The following RBFOX1 variants were observed in gnomAD, a reference collection of about 807,000 sequenced individuals.
RBFOX1 encodes the protein RNA binding fox-1 homolog 1.
RBFOX1 carries 8 observed loss-of-function variants against 57.7 expected under a neutral mutation model. The ratio of observed to expected loss-of-function variants is 0.14; its 90% confidence interval spans 0.08 to 0.25. RBFOX1 has a LOEUF of 0.25. RBFOX1 is among the 10% of genes least tolerant of loss of function. The probability of loss-of-function intolerance (pLI) is 1.00; values close to 1 mark genes in which losing one functional copy is unlikely to be tolerated. For synonymous variants in RBFOX1, 326 were observed against 222.4 expected (o/e 1.47, Z -4.15); for missense variants, 611 against 548.5 (o/e 1.11, Z -1.14).
chr16:6,666,067 A>G (rs1200148417), intron 3 of RBFOX1, among the ~76,000 whole-genome samples: 1 of 152,104 alleles, frequency 6.6e-6, no homozygotes, highest in African/African-American at 2.4e-5. Context: ...CTTGTTTTTC[A>G]TTCTTTCTCT....
chr16:7,403,565 C>CCG (rs2098280343), intron 4 of RBFOX1, among the ~76,000 whole-genome samples: 2 of 129,592 alleles, frequency 1.5e-5, no homozygotes, highest in Admixed American at 1.5e-4. Context: ...GAGAGAATCC[C>CCG]CCCCCCCCCA....
chr16:7,390,563 C>T (rs1011897769), intron 4 of RBFOX1, among the ~76,000 whole-genome samples: 3 of 152,182 alleles, frequency 2.0e-5, no homozygotes, highest in African/African-American at 7.2e-5. Flanking sequence ...CATCTTTGCA[C>T]ATCGCAGAGA....
intron 5 of RBFOX1, 105 bp from the exon 6 acceptor site, chr16:7,579,672 T>G: frequency 3.6e-6 from 5 of 1,372,600 alleles, no homozygotes; most frequent in Non-Finnish European, 4.0e-6. Flanking sequence ...CTTCTCAGAT[T>G]GCTTAGTTCT....
At chr16:6,432,447 G>A (rs916999792) in intron 2 of RBFOX1, among the ~76,000 whole-genome samples, 3 of 151,742 alleles carry the variant, frequency 2.0e-5, no homozygotes, top group Non-Finnish European at 2.9e-5. Context: ...CAAGGCGGGC[G>A]GATCACCTGA....
chr16:6,850,745 C>G (rs1288869715), intron 3 of RBFOX1, among the ~76,000 whole-genome samples: 1 of 152,156 alleles, frequency 6.6e-6, no homozygotes, highest in South Asian at 2.1e-4. Context: ...ATACCAAATG[C>G]TGTCAAAGAT....
At chr16:6,009,841 G>C in intron 4 of RBFOX1, among the ~76,000 whole-genome samples, 1 of 41,640 alleles carries the variant, frequency 2.4e-5, no homozygotes, top group Non-Finnish European at 3.8e-5. Flanking sequence ...TGTGTATAGG[G>C]GGATTTGAAA....
intron 3 of RBFOX1, among the ~76,000 whole-genome samples, chr16:7,048,240 T>G (rs2048726660): frequency 6.6e-6 from 1 of 151,720 alleles, no homozygotes; most frequent in Non-Finnish European, 1.5e-5. Flanking sequence ...AAAATTTCCT[T>G]TTGATTTTTT....
At chr16:6,436,176 G>T (rs1431396387) in intron 2 of RBFOX1, among the ~76,000 whole-genome samples, 2 of 151,996 alleles carry the variant, frequency 1.3e-5, no homozygotes, top group Non-Finnish European at 2.9e-5. Context: ...GCTCAATACA[G>T]TTAAGTAAAT....
At chr16:7,280,048 C>A (rs909312320) in intron 4 of RBFOX1, among the ~76,000 whole-genome samples, 1 of 152,122 alleles carries the variant, frequency 6.6e-6, no homozygotes, top group South Asian at 2.1e-4. Context: ...GTTCCCGCTG[C>A]GATTGGATCT....
chr16:5,978,799 G>A (rs2060118969), intron 4 of RBFOX1, among the ~76,000 whole-genome samples: 1 of 151,608 alleles, frequency 6.6e-6, no homozygotes, highest in African/African-American at 2.4e-5. Context: ...CCTGGGGTTT[G>A]GAGTTGTGGG....
chr16:6,736,584 C>G (rs148024768), intron 3 of RBFOX1, among the ~76,000 whole-genome samples: 1 of 152,148 alleles, frequency 6.6e-6, no homozygotes, highest in Non-Finnish European at 1.5e-5. Context: ...ATTGGTTCCA[C>G]GATTTTGCAG....
At chr16:6,562,678 T>C (rs1477111669) in intron 2 of RBFOX1, among the ~76,000 whole-genome samples, 1 of 152,204 alleles carries the variant, frequency 6.6e-6, no homozygotes, top group Non-Finnish European at 1.5e-5. Flanking sequence ...TCTGAGTCTC[T>C]TACTTGGAAC....
chr16:7,221,608 C>G (rs1473317830), intron 4 of RBFOX1, among the ~76,000 whole-genome samples: 1 of 152,152 alleles, frequency 6.6e-6, no homozygotes, highest in Non-Finnish European at 1.5e-5. Context: ...CTCAGGTGAT[C>G]CACCAACCTT....
At chr16:7,326,707 G>GCACAGGCTTT in intron 4 of RBFOX1, among the ~76,000 whole-genome samples, 1 of 151,942 alleles carries the variant, frequency 6.6e-6, no homozygotes, top group Non-Finnish European at 1.5e-5. Context: ...TGAGTATATC[G>GCACAGGCTTT]TCCTTAATCA....
At chr16:6,976,965 A>AT (rs1218770264) in intron 3 of RBFOX1, among the ~76,000 whole-genome samples, 1 of 143,218 alleles carries the variant, frequency 7.0e-6, no homozygotes. Context: ...TATATTAAAT[A>AT]TCCTATATCA....
At position 7,081,576 on chromosome 16, in the gene RBFOX1, A is replaced by G. The variant is rs2153798051; in HGVS notation, c.27+29478A>G. Among the ~76,000 whole-genome samples, 4 of 152,288 alleles carry G rather than the reference A, an allele frequency of 2.6e-5. 1 individual carries two copies. The South Asian group carries it at 8.3e-4, about 32-fold the overall frequency. The stretch of plus-strand genomic sequence containing the variant: ...AGTTTTTATATGGAGGACATTATTT[A>G]TGTACTTTTTAAATTAATTTGTTCA... On this transcript the variant is annotated intron_variant, in intron 4 of 15. Transcript: ENST00000550418.
At chr16:5,784,106 T>G (rs1006637714) in intron 3 of RBFOX1, among the ~76,000 whole-genome samples, 1 of 152,140 alleles carries the variant, frequency 6.6e-6, no homozygotes, top group Admixed American at 6.5e-5. Context: ...TCAGGAAACC[T>G]ACACTCACGG....
chr16:6,963,157 G>T (rs1598493362), intron 3 of RBFOX1, among the ~76,000 whole-genome samples: 1 of 152,070 alleles, frequency 6.6e-6, no homozygotes, highest in Admixed American at 6.6e-5. Context: ...GCTGGTAGTT[G>T]CCACCCAAGC....
intron 4 of RBFOX1, among the ~76,000 whole-genome samples, chr16:7,449,856 G>A (rs2098838089): frequency 6.6e-6 from 1 of 151,986 alleles, no homozygotes; most frequent in Non-Finnish European, 1.5e-5. Context: ...TGAGGTCTAA[G>A]AGGAGTCTCA....
Sources: allele counts gnomAD v4.1 joint callset (sites outside exome capture counted in the v4.1 genomes callset), GRCh38; gene constraint gnomAD v4.1.1; transcripts MANE v1.5; gene names NCBI Gene and HGNC (gene_info 2026-07-23, HGNC 2026-07-21).